Variants in BRINP1 observed in about 807,000 individuals in gnomAD.
BRINP1 encodes BMP/retinoic acid inducible neural specific 1.
In BRINP1, 17 loss-of-function variants were observed where a neutral mutation model predicts 72.9. The observed-to-expected ratio is 0.23, with a 90% confidence interval of 0.16 to 0.35. The LOEUF (loss-of-function observed/expected upper bound fraction) is 0.35. BRINP1 is among the 10% of genes least tolerant of loss of function. The pLI is 1.00. For synonymous variants in BRINP1, 418 were observed against 378.5 expected, an observed-to-expected ratio of 1.10 and a Z score of -1.21; for missense variants, 850 against 1,001.6, an observed-to-expected ratio of 0.85 and a Z score of 2.04.
intron 7 of BRINP1, among the ~76,000 whole-genome samples, chr9:119,199,236 G>A (rs1040327310): frequency 3.3e-5 from 5 of 151,968 alleles, no homozygotes; most frequent in Admixed American, 1.3e-4. Context: ...ATATCCCTCC[G>A]CCCCACTGCA....
chr9:119,258,554 G>C (rs1830467831), intron 2 of BRINP1, among the ~76,000 whole-genome samples: 1 of 152,148 alleles, frequency 6.6e-6, no homozygotes, highest in African/African-American at 2.4e-5. Flanking sequence ...AAAATATCAG[G>C]ATAGAGGGAC....
At chr9:119,329,755 T>C (rs1443001435) in intron 1 of BRINP1, among the ~76,000 whole-genome samples, 1 of 152,220 alleles carries the variant, frequency 6.6e-6, no homozygotes, top group African/African-American at 2.4e-5. Flanking sequence ...CATAATTCAC[T>C]GAGCCCTCAA....
intron 7 of BRINP1, among the ~76,000 whole-genome samples, chr9:119,181,247 G>A (rs937888608): frequency 6.6e-6 from 1 of 152,144 alleles, no homozygotes; most frequent in African/African-American, 2.4e-5. Flanking sequence ...CAACCAAAAA[G>A]CTATGAAATA....
At chr9:119,292,577 C>T (rs1194465821) in intron 2 of BRINP1, among the ~76,000 whole-genome samples, 1 of 152,154 alleles carries the variant, frequency 6.6e-6, no homozygotes, top group Non-Finnish European at 1.5e-5. Context: ...TAGTGTCCTT[C>T]ATCTATCGCT....
chr9:119,267,585 A>C (rs1373443561), intron 2 of BRINP1, among the ~76,000 whole-genome samples: 1 of 151,952 alleles, frequency 6.6e-6, no homozygotes, highest in East Asian at 1.9e-4. Flanking sequence ...GCAGGGAGCC[A>C]AGACCACACC....
chr9:119,318,423 C>T (rs1831148243), intron 1 of BRINP1, among the ~76,000 whole-genome samples: 1 of 152,132 alleles, frequency 6.6e-6, no homozygotes, highest in Non-Finnish European at 1.5e-5. Context: ...TCATGAGTCG[C>T]TACAAAAATC....
intron 1 of BRINP1, among the ~76,000 whole-genome samples, chr9:119,339,702 A>G (rs1418176468): frequency 6.6e-6 from 1 of 152,212 alleles, no homozygotes; most frequent in Non-Finnish European, 1.5e-5. Context: ...CAGATGAGGA[A>G]ACAAGCTCAG....
chr9:119,241,544 T>C (rs1429107709), intron 4 of BRINP1, among the ~76,000 whole-genome samples: 1 of 152,238 alleles, frequency 6.6e-6, no homozygotes, highest in Non-Finnish European at 1.5e-5. Flanking sequence ...CCTGTTAAGT[T>C]ATTCTCTAAC....
chr9:119,303,456 G>A (rs892650038), intron 2 of BRINP1, among the ~76,000 whole-genome samples: 1 of 152,090 alleles, frequency 6.6e-6, no homozygotes, highest in Non-Finnish European at 1.5e-5. Context: ...ACTAGAAGAC[G>A]AGATGTCACA....
At chr9:119,360,605 T>C (rs1231836794) in intron 1 of BRINP1, among the ~76,000 whole-genome samples, 3 of 152,198 alleles carry the variant, frequency 2.0e-5, no homozygotes, top group Non-Finnish European at 4.4e-5. Context: ...GACTTGAGAA[T>C]TCACCACTTT....
At chr9:119,287,993 T>A (rs1244307524) in intron 2 of BRINP1, among the ~76,000 whole-genome samples, 1 of 150,888 alleles carries the variant, frequency 6.6e-6, no homozygotes, top group Non-Finnish European at 1.5e-5. Flanking sequence ...ACTTAAAAGT[T>A]AAAAAAAAAG....
At chr9:119,225,965 G>A (rs577470649) in intron 5 of BRINP1, among the ~76,000 whole-genome samples, 1 of 152,084 alleles carries the variant, frequency 6.6e-6, no homozygotes, top group Admixed American at 6.6e-5. Flanking sequence ...CATTTATTGA[G>A]CATCTACTAT....
chr9:119,291,719 A>G (rs888483424), intron 2 of BRINP1, among the ~76,000 whole-genome samples: 1 of 152,208 alleles, frequency 6.6e-6, no homozygotes, highest in South Asian at 2.1e-4. Flanking sequence ...TGGATGAGGA[A>G]GCAGATGAGA....
At chr9:119,306,540 T>C (rs959088008) in intron 2 of BRINP1, among the ~76,000 whole-genome samples, 1 of 152,188 alleles carries the variant, frequency 6.6e-6, no homozygotes, top group African/African-American at 2.4e-5. Flanking sequence ...TTCTCATCTT[T>C]TGAGTCAACA....
intron 7 of BRINP1, among the ~76,000 whole-genome samples, chr9:119,170,782 C>G (rs1829397713): frequency 7.3e-6 from 1 of 137,472 alleles, no homozygotes; most frequent in Admixed American, 7.2e-5. Context: ...CAGCAGATCT[C>G]TCGGCAGAAA....
intron 2 of BRINP1, among the ~76,000 whole-genome samples, chr9:119,304,957 A>G (rs149635082): frequency 0.02 from 2,970 of 152,288 alleles, 45 homozygotes; most frequent in South Asian, 0.088. Flanking sequence ...CAAAGCCCTC[A>G]TTGTTTTCTT....
Position 119,238,744 on chromosome 9 carries a change from G to A in BRINP1, c.596C>T (p.Thr199Ile). ...ATAGCTGTTACAGCCCAGAGGCCCAGTGCGTGTCTCTGTGACCTGCAGTAG... is the reference window on the plus strand; with the variant it reads ...ATAGCTGTTACAGCCCAGAGGCCCAATGCGTGTCTCTGTGACCTGCAGTAG... ...TGAIKVTETRTGPLGCNSYDN... is the reference protein window; with the variant it reads ...TGAIKVTETRIGPLGCNSYDN... The change falls in exon 5 of 8, where the codon ACT (threonine) becomes ATT (isoleucine). Residue 199 changes from threonine to isoleucine, a missense_variant. Coordinates refer to ENST00000265922, the MANE Select transcript of BRINP1 (RefSeq NM_014618.3). The A allele has an allele frequency of 1.2e-6, 2 of 1,608,228 alleles. No individual in the cohort carries two copies. Among genetic ancestry groups the A allele is most frequent in the African/African-American group, 1.3e-5 (1 of 74,836 alleles).
intron 5 of BRINP1, among the ~76,000 whole-genome samples, chr9:119,236,370 GT>G (rs1313389329): frequency 1.3e-5 from 2 of 152,072 alleles, no homozygotes; most frequent in African/African-American, 4.8e-5. Context: ...TACACTAGCT[GT>G]TTTATTTAAA....
intron 2 of BRINP1, among the ~76,000 whole-genome samples, chr9:119,300,804 T>TTTCAG (rs1445334826): frequency 2.0e-5 from 3 of 152,350 alleles, no homozygotes; most frequent in Non-Finnish European, 4.4e-5. Flanking sequence ...AAAAGACTAT[T>TTTCAG]TTCAGTTCTT....
Sources: gnomAD v4.1 joint callset for allele counts (sites outside exome capture counted in the v4.1 genomes callset) on GRCh38, gnomAD v4.1.1 for gene constraint, MANE v1.5 for transcripts, NCBI Gene and HGNC (gene_info 2026-07-23, HGNC 2026-07-21) for gene names.